ISLR2: variants seen among roughly 807,000 people sequenced by gnomAD.
ISLR2 encodes the protein immunoglobulin superfamily containing leucine rich repeat 2.
ISLR2 carries 16 observed loss-of-function variants against 25.5 expected under a neutral mutation model. The observed-to-expected ratio is 0.63, with a 90% CI of 0.43 to 0.95. The LOEUF (loss-of-function observed/expected upper bound fraction) is 0.95, where lower values mean the gene tolerates loss of function less well. Among genes scored for constraint, ISLR2 ranks in the 40% least tolerant of loss-of-function variants. The pLI, the probability that ISLR2 is intolerant of heterozygous loss-of-function variation, is 0.00. For synonymous variants in ISLR2, 508 were observed against 486.6 expected, an observed-to-expected ratio of 1.04 and a Z score of -0.58; for missense variants, 883 against 1,030.7, an observed-to-expected ratio of 0.86 and a Z score of 1.96.
chr15:74,104,281 G>A (rs2072103266), intron 2 of ISLR2, among the ~76,000 whole-genome samples: 3 of 152,084 alleles, frequency 2.0e-5, no homozygotes, highest in Non-Finnish European at 4.4e-5. Context: ...CGGAGGCTGG[G>A]GATGCTGCTA....
upstream of ISLR2, among the ~76,000 whole-genome samples, chr15:74,124,161 G>C (rs1033938183): frequency 6.7e-6 from 1 of 149,626 alleles, no homozygotes; most frequent in African/African-American, 2.5e-5. Flanking sequence ...ATCTAGTATG[G>C]TCCATTATAA....
At chr15:74,120,820 TG>T (rs1293080765) in intron 2 of ISLR2, among the ~76,000 whole-genome samples, 4 of 152,222 alleles carry the variant, frequency 2.6e-5, no homozygotes, top group Admixed American at 1.3e-4. Context: ...CTAAATTTAG[TG>T]ATTGGCAACA....
chr15:74,130,616 G>T lies in ISLR2; in HGVS notation c.-124G>T, dbSNP rs2072389518. 6.6e-6 allele frequency: 1 copy of T among 152,538 alleles called. No individual in the cohort carries two copies. Among genetic ancestry groups the T allele is most frequent in the Non-Finnish European group, 1.5e-5 (1 of 68,054 alleles). 9.4% of individuals were successfully genotyped at this position (152,538 alleles called of 1,614,324 possible). A position where few individuals can be genotyped will look rare whatever the true frequency, so the allele number is the denominator to read the frequency against. On this transcript the variant is annotated 5_prime_UTR_variant, in exon 1 of 3. Transcript: ENST00000453268. ...TCGCGGGCGCTGGCGGGACAGGCGC[G>T]TGAGGGTGAGTTCGCGTGAATGTGT...
At chr15:74,139,836 A>G (rs535068288), downstream of ISLR2, among the ~76,000 whole-genome samples, 55 of 150,476 alleles carry the variant, frequency 3.7e-4, no homozygotes, top group African/African-American at 1.3e-3. Context: ...TGGATACTAC[A>G]TGGGAATGGA....
downstream of ISLR2, among the ~76,000 whole-genome samples, chr15:74,140,177 G>A (rs965450873): frequency 6.6e-6 from 1 of 152,090 alleles, no homozygotes; most frequent in African/African-American, 2.4e-5. Flanking sequence ...ACAAAGGAAG[G>A]CAGGGCTTCT....
intron 2 of ISLR2, among the ~76,000 whole-genome samples, chr15:74,119,876 G>A (rs747341436): frequency 3.3e-5 from 5 of 152,180 alleles, no homozygotes; most frequent in African/African-American, 4.8e-5. Context: ...GAGGTGAACT[G>A]ACTTGTCTCA....
intron 2 of ISLR2, among the ~76,000 whole-genome samples, chr15:74,122,739 T>C (rs539751983): frequency 1.4e-3 from 215 of 152,264 alleles, no homozygotes; most frequent in Non-Finnish European, 2.2e-3. Context: ...GAAAAGTCAG[T>C]TTTATTTCAG....
At position 74,132,602 on chromosome 15, in the gene ISLR2, T is replaced by A; in HGVS notation, c.-8-145T>A. The A allele has an allele frequency of 1.7e-6, 2 of 1,185,674 alleles. No individual in the cohort carries two copies. The highest frequency in any genetic ancestry group is 2.3e-6 in the Non-Finnish European group (2 of 873,162). 73.4% of individuals were successfully genotyped at this position (1,185,674 alleles called of 1,614,324 possible). A position where few individuals can be genotyped will look rare whatever the true frequency, so the allele number is the denominator to read the frequency against. On this transcript the variant is annotated intron_variant, in intron 2 of 2. Coordinates refer to ENST00000453268, the MANE Select transcript of ISLR2 (RefSeq NM_020851.3). This position sits in a 1 kb window ranked among gnomAD's most constrained non-coding sequence, Gnocchi z 4.3. The stretch of plus-strand genomic sequence containing the variant: ...CTCGAGATTTTTATTGACCTTCACT[T>A]CAGAGAGGCTCCTGGCCATAGAGGA...
intron 2 of ISLR2, among the ~76,000 whole-genome samples, chr15:74,111,097 G>A (rs1165447541): frequency 1.2e-4 from 16 of 138,028 alleles, no homozygotes; most frequent in Admixed American, 5.3e-4. Context: ...CCAAGATCGC[G>A]CCACTGAACT....
upstream of ISLR2, among the ~76,000 whole-genome samples, chr15:74,124,126 T>C (rs2072273293): frequency 6.6e-6 from 1 of 151,112 alleles, no homozygotes; most frequent in Admixed American, 6.6e-5. Flanking sequence ...GGATATAGAT[T>C]GGTCTAAACT....
intron 2 of ISLR2, among the ~76,000 whole-genome samples, chr15:74,122,322 C>G (rs1354948446): frequency 6.6e-6 from 1 of 152,238 alleles, no homozygotes; most frequent in African/African-American, 2.4e-5. Flanking sequence ...TGGGTGCAGA[C>G]TTCACAGAGT....
upstream of ISLR2, chr15:74,126,345 GTA>G (rs2072295513): frequency 2.9e-5 from 4 of 139,970 alleles, no homozygotes; most frequent in Admixed American, 1.4e-4. Flanking sequence ...AAAAGCATAG[GTA>G]TTTTTTTTTT....
upstream of ISLR2, among the ~76,000 whole-genome samples, chr15:74,125,024 G>A (rs551207025): frequency 2.6e-5 from 4 of 152,200 alleles, no homozygotes; most frequent in Admixed American, 6.5e-5. Flanking sequence ...GTTATTTGCC[G>A]ATGGAAATAT....
At position 74,133,859 on chromosome 15, in the gene ISLR2, C is replaced by T; in HGVS notation, c.1105C>T (p.Arg369Cys). 1 of 1,612,812 alleles carries T rather than the reference C, an allele frequency of 6.2e-7. No homozygotes were observed. The highest frequency in any genetic ancestry group is 8.5e-7 in the Non-Finnish European group (1 of 1,179,632). The change falls in exon 3 of 3, where the codon CGC (arginine) becomes TGC (cysteine). Residue 369 changes from arginine to cysteine, a missense_variant. Around this residue, in one of 2 missense-constraint regions of ISLR2, gnomAD observed 612 missense variants for 642.8 expected, o/e 0.95. Coordinates refer to ENST00000453268, the MANE Select transcript of ISLR2 (RefSeq NM_020851.3). ...NELGANSTSIRVAVAATGPPK... is the reference protein window; with the variant it reads ...NELGANSTSICVAVAATGPPK... Reference sequence around the variant, plus strand: ...GCTGGGCGCCAACTCTACGTCAATACGCGTGGCGGTGGCAGCAACCGGGCC... The same window carrying T: ...GCTGGGCGCCAACTCTACGTCAATATGCGTGGCGGTGGCAGCAACCGGGCC...
At chr15:74,125,885 A>G (rs1187749699), upstream of ISLR2, 1 of 152,232 alleles carries the variant, frequency 6.6e-6, no homozygotes, top group Non-Finnish European at 1.5e-5. Context: ...TTCCCTAGAA[A>G]ATAATTAAAG....
upstream of ISLR2, among the ~76,000 whole-genome samples, chr15:74,125,625 A>G (rs2072289019): frequency 6.6e-6 from 1 of 152,250 alleles, no homozygotes; most frequent in Non-Finnish European, 1.5e-5. Flanking sequence ...CCAGATAATT[A>G]CATGAGCTGC....
At chr15:74,104,837 C>T (rs1336502638) in intron 2 of ISLR2, among the ~76,000 whole-genome samples, 1 of 145,880 alleles carries the variant, frequency 6.9e-6, no homozygotes, top group East Asian at 2.1e-4. Flanking sequence ...CTTCCTGCCT[C>T]AGCCTCCGAA....
downstream of ISLR2, among the ~76,000 whole-genome samples, chr15:74,139,863 AGTGTGTGT>A (rs10579764): frequency 0.045 from 5,739 of 128,006 alleles, 281 homozygotes; most frequent in African/African-American, 0.12. Context: ...CGGCTTGAGG[AGTGTGTGT>A]GTGTGTGTGT....
chr15:74,108,536 T>A (rs1452169585), intron 2 of ISLR2, among the ~76,000 whole-genome samples: 1 of 152,048 alleles, frequency 6.6e-6, no homozygotes, highest in East Asian at 1.9e-4. Context: ...CACACACACC[T>A]GCCCCACTCC....
Sources: allele counts gnomAD v4.1 joint callset (sites outside exome capture counted in the v4.1 genomes callset), GRCh38; gene constraint gnomAD v4.1.1; regional missense constraint gnomAD v4.1.1; non-coding constraint Gnocchi (gnomAD v3.1); transcripts MANE v1.5; gene names NCBI Gene and HGNC (gene_info 2026-07-23, HGNC 2026-07-21).